The following ERG variants were observed in gnomAD, a reference collection of about 807,000 sequenced individuals.
ERG encodes the protein ETS transcription factor ERG, also known as transcriptional regulator ERG.
In ERG, 9 loss-of-function variants were observed where a neutral mutation model predicts 55.3. That is an observed-to-expected ratio of 0.16 (90% CI 0.10 to 0.28). The LOEUF is 0.28. Among genes scored for constraint, ERG ranks in the 10% least tolerant of loss-of-function variants. The pLI is 1.00. For missense variants in ERG, 434 were observed against 631.6 expected, an observed-to-expected ratio of 0.69 and a Z score of 3.35; for synonymous variants, 223 against 237.3, an observed-to-expected ratio of 0.94 and a Z score of 0.55.
intron 2 of ERG, among the ~76,000 whole-genome samples, chr21:38,504,776 G>A (rs927857066): frequency 2.0e-5 from 3 of 152,190 alleles, no homozygotes; most frequent in Non-Finnish European, 4.4e-5. Context: ...GCCAAATTGA[G>A]AATTTATCCC....
At chr21:38,623,515 A>G (rs1253665964) in intron 1 of ERG, among the ~76,000 whole-genome samples, 2 of 152,138 alleles carry the variant, frequency 1.3e-5, no homozygotes, top group African/African-American at 2.4e-5. Flanking sequence ...TCAAAACACA[A>G]TTTCACTTTT....
At chr21:38,441,560 C>G (rs1277679874) in intron 2 of ERG, among the ~76,000 whole-genome samples, 1 of 152,074 alleles carries the variant, frequency 6.6e-6, no homozygotes, top group Non-Finnish European at 1.5e-5. Flanking sequence ...TAGAGAATCC[C>G]AACTGATACA....
chr21:38,443,305 T>C (rs538424708), intron 2 of ERG, among the ~76,000 whole-genome samples: 16 of 152,328 alleles, frequency 1.1e-4, no homozygotes, highest in Admixed American at 5.9e-4. Flanking sequence ...ATCATCTCAG[T>C]GCCCTTTTGT....
At chr21:38,476,024 A>G (rs1390716768) in intron 1 of ERG, among the ~76,000 whole-genome samples, 1 of 152,174 alleles carries the variant, frequency 6.6e-6, no homozygotes, top group East Asian at 1.9e-4. Context: ...TCTGCCTACT[A>G]TTTTCAGGCA....
At chr21:38,434,808 C>A (rs1318628920) in intron 2 of ERG, among the ~76,000 whole-genome samples, 2 of 152,154 alleles carry the variant, frequency 1.3e-5, no homozygotes, top group Admixed American at 1.3e-4. Flanking sequence ...ATTAACACAG[C>A]AACATACTGC....
chr21:38,658,640 A>T (rs979865760), intron 1 of ERG, among the ~76,000 whole-genome samples: 1 of 152,244 alleles, frequency 6.6e-6, no homozygotes, highest in Non-Finnish European at 1.5e-5. Context: ...TGTGAGATGC[A>T]TTTAAAAGAT....
chr21:38,579,117 C>T (rs1016245146), intron 1 of ERG, among the ~76,000 whole-genome samples: 1 of 152,178 alleles, frequency 6.6e-6, no homozygotes, highest in Non-Finnish European at 1.5e-5. Flanking sequence ...CCAGGAGCAA[C>T]TGAATTCTCA....
At chr21:38,368,899 A>G in the ERG span, among the ~76,000 whole-genome samples, 6 of 152,182 alleles carry the variant, frequency 3.9e-5, no homozygotes, top group Non-Finnish European at 7.3e-5. Flanking sequence ...GAGTCTGTGA[A>G]GGATAATGAC....
At chr21:38,660,345 G>C (rs1240467032) in intron 1 of ERG, among the ~76,000 whole-genome samples, 2 of 152,172 alleles carry the variant, frequency 1.3e-5, no homozygotes. Flanking sequence ...GCGCCTCCCT[G>C]GGACCCCGCA....
chr21:38,423,675 G>A (rs1989660439), intron 2 of ERG, 114 bp from the exon 3 acceptor site: 2 of 1,168,944 alleles, frequency 1.7e-6, no homozygotes, highest in Admixed American at 4.9e-5. Flanking sequence ...GAGACTGGGG[G>A]AGAAAGGACA....
In ERG at chr21:38,380,611, C is replaced by T; in HGVS notation, c.*2792G>A. On this transcript the variant is annotated 3_prime_UTR_variant, in exon 10 of 10. Coordinates refer to ENST00000288319, the MANE Select transcript of ERG (RefSeq NM_182918.4). Reference sequence around the variant, plus strand: ...AATTATGAATATGACCTGGAGGGGGCTTTGGAATTAGATTACAACAGTAAC... The same window carrying T: ...AATTATGAATATGACCTGGAGGGGGTTTTGGAATTAGATTACAACAGTAAC... The T allele has an allele frequency of 9.4e-7, 1 of 1,065,328 alleles. No individual in the cohort carries two copies. The highest frequency in any genetic ancestry group is 1.6e-5 in the African/African-American group (1 of 61,146). 66.0% of individuals were successfully genotyped at this position (1,065,328 alleles called of 1,614,324 possible). A position where few individuals can be genotyped will look rare whatever the true frequency, so the allele number is the denominator to read the frequency against.
At chr21:38,491,444 A>G (rs950018174) in intron 1 of ERG, among the ~76,000 whole-genome samples, 2 of 152,218 alleles carry the variant, frequency 1.3e-5, no homozygotes, top group Admixed American at 1.3e-4. Context: ...TAAAAAGTGG[A>G]ATGTGTTAAA....
intron 2 of ERG, among the ~76,000 whole-genome samples, chr21:38,574,172 C>T: frequency 6.6e-6 from 1 of 152,206 alleles, no homozygotes; most frequent in East Asian, 1.9e-4. Context: ...ATGAGCTTTT[C>T]TTTGCATCAT....
chr21:38,533,859 T>C (rs937355256), intron 2 of ERG, among the ~76,000 whole-genome samples: 2 of 152,206 alleles, frequency 1.3e-5, no homozygotes, highest in Non-Finnish European at 2.9e-5. Context: ...ACAGTTTTTA[T>C]CCTCTTAAAA....
intron 2 of ERG, among the ~76,000 whole-genome samples, chr21:38,553,894 AT>A (rs2059840986): frequency 1.3e-5 from 2 of 152,048 alleles, no homozygotes; most frequent in Non-Finnish European, 2.9e-5. Context: ...TATACAGACA[AT>A]GTACAGAATA....
rs1416132586 is a variant in ERG at position 38,468,999 on chromosome 21, AAAG to A, written c.19-23381_19-23379del. ...CTCTGTCTCAAAAAAAAAAAAAAAA[AAAG>A]AAAAAAAAAAAAGAAAATGTGGCTT... is the stretch of plus-strand genomic sequence containing the variant. On this transcript the variant is annotated intron_variant, in intron 1 of 9. Coordinates refer to ENST00000288319, the MANE Select transcript of ERG (RefSeq NM_182918.4). Among the ~76,000 whole-genome samples, 34 of 67,908 alleles carry A rather than the reference AAAG, an allele frequency of 5.0e-4. 1 individual carries two copies. The highest frequency in any genetic ancestry group is 1.2e-3 in the Non-Finnish European group (25 of 21,438). 44.6% of individuals were successfully genotyped at this position (67,908 alleles called of 152,430 possible). A position where few individuals can be genotyped will look rare whatever the true frequency, so the allele number is the denominator to read the frequency against.
intron 2 of ERG, among the ~76,000 whole-genome samples, chr21:38,531,228 G>C (rs1439146239): frequency 3.3e-5 from 5 of 152,164 alleles, no homozygotes. Context: ...ATTATTCAAA[G>C]TGACCTTCCC....
intron 2 of ERG, among the ~76,000 whole-genome samples, chr21:38,568,026 A>G (rs951543801): frequency 1.3e-5 from 2 of 152,132 alleles, no homozygotes; most frequent in African/African-American, 2.4e-5. Flanking sequence ...CCGTGGAACA[A>G]TGTGGGAAAG....
chr21:38,568,985 A>AG (rs1423454679), intron 2 of ERG, among the ~76,000 whole-genome samples: 1 of 152,136 alleles, frequency 6.6e-6, no homozygotes, highest in Non-Finnish European at 1.5e-5. Flanking sequence ...CAGGGGTGAT[A>AG]GGGGGTGAGC....
Sources: allele counts gnomAD v4.1 joint callset (sites outside exome capture counted in the v4.1 genomes callset), GRCh38; gene constraint gnomAD v4.1.1; transcripts MANE v1.5; gene names NCBI Gene and HGNC (gene_info 2026-07-23, HGNC 2026-07-21).